The following SNX7 variants were observed in gnomAD, a reference collection of about 807,000 sequenced individuals.
The protein encoded by SNX7 is sorting nexin-7.
Under a neutral mutation model 48.4 loss-of-function variants are expected in SNX7, and 35 were observed. The ratio of observed to expected loss-of-function variants is 0.72; its 90% CI spans 0.55 to 0.96. The LOEUF (loss-of-function observed/expected upper bound fraction) is 0.96. SNX7 is among the 40% of genes least tolerant of loss of function. The probability of loss-of-function intolerance (pLI) is 0.00; values close to 1 mark genes in which losing one functional copy is unlikely to be tolerated. For missense variants in SNX7, 553 were observed against 548.9 expected, an observed-to-expected ratio of 1.01 and a Z score of -0.07; for synonymous variants, 190 against 190.2, an observed-to-expected ratio of 1.00 and a Z score of 0.01.
At chr1:98,690,992 ATTT>A (rs1570520578) in intron 2 of SNX7, 80 bp from the exon 3 acceptor site, 1 of 782,172 alleles carries the variant, frequency 1.3e-6, no homozygotes, top group East Asian at 3.0e-5. Context: ...AGACCCATTT[ATTT>A]CACAATGTCT....
intron 4 of SNX7, 29 bp from the exon 5 acceptor site, chr1:98,695,489 A>C (rs1303237680): frequency 6.3e-7 from 1 of 1,599,296 alleles, no homozygotes; most frequent in Non-Finnish European, 8.5e-7. Flanking sequence ...GACTTGTTTC[A>C]CTAGAAATAC....
intron 2 of SNX7, among the ~76,000 whole-genome samples, 192 bp from the exon 3 acceptor site, chr1:98,690,883 G>A (rs1404362819): frequency 6.6e-6 from 1 of 151,968 alleles, no homozygotes; most frequent in Non-Finnish European, 1.5e-5. Context: ...ATACCAGAAA[G>A]TTTGCTTTAT....
At chr1:98,760,024 A>G (rs748342130) in intron 8 of SNX7, 30 bp from the exon 9 acceptor site, 5 of 1,392,564 alleles carry the variant, frequency 3.6e-6, no homozygotes, top group Non-Finnish European at 5.1e-6. Context: ...ACTATTGTTG[A>G]TTGCCTCATG....
chr1:98,702,520 C>T (rs1286860047), intron 7 of SNX7, among the ~76,000 whole-genome samples: 1 of 151,966 alleles, frequency 6.6e-6, no homozygotes, highest in African/African-American at 2.4e-5. Flanking sequence ...TATTCTAAAG[C>T]AAATTCTAGA....
At chr1:98,758,138 G>T (rs1294272919) in intron 8 of SNX7, among the ~76,000 whole-genome samples, 1 of 152,000 alleles carries the variant, frequency 6.6e-6, no homozygotes, top group African/African-American at 2.4e-5. Flanking sequence ...TATTTGTTGA[G>T]TGAAGAGATT....
chr1:98,676,386 C>G (rs1200983990), intron 1 of SNX7, among the ~76,000 whole-genome samples: 3 of 152,034 alleles, frequency 2.0e-5, no homozygotes, highest in Non-Finnish European at 4.4e-5. Flanking sequence ...TTTTCTGTGT[C>G]TGATTAATCC....
At position 98,661,723 on chromosome 1, in the gene SNX7, A is replaced by T; in HGVS notation, c.-9A>T. On this transcript the variant is annotated 5_prime_UTR_variant, in exon 1 of 9. Coordinates refer to ENST00000306121, the MANE Select transcript of SNX7 (RefSeq NM_015976.5). ...GGCGGTGGCGGCCGGCTGGGCGCGC[A>T]CTCTCGGGATGGAGGGCGAGCGCCG... 8.2e-7 allele frequency: 1 copy of T among 1,219,552 alleles called. No individual in the cohort carries two copies. The highest frequency in any genetic ancestry group is 1.0e-6 in the Non-Finnish European group (1 of 977,560). The allele number at this position is 1,219,552 out of a possible 1,614,324, so 75.5% of individuals were successfully genotyped here. A position where few individuals can be genotyped will look rare whatever the true frequency, so the allele number is the denominator to read the frequency against.
chr1:98,662,662 AAGGGTTTT>A, intron 1 of SNX7: 1 of 1,288,194 alleles, frequency 7.8e-7, no homozygotes, highest in Non-Finnish European at 1.0e-6. Context: ...TAATTTCTTA[AAGGGTTTT>A]AGAAAAGAAA....
At chr1:98,757,998 G>A (rs1654935696) in intron 8 of SNX7, among the ~76,000 whole-genome samples, 1 of 152,008 alleles carries the variant, frequency 6.6e-6, no homozygotes, top group Non-Finnish European at 1.5e-5. Context: ...ATCATGTCCT[G>A]TAACATCACA....
chr1:98,726,448 C>T (rs1435184032), intron 7 of SNX7, among the ~76,000 whole-genome samples: 3 of 152,182 alleles, frequency 2.0e-5, no homozygotes, highest in Non-Finnish European at 4.4e-5. Context: ...GTTGCATCCT[C>T]TTCATAACAG....
intron 7 of SNX7, among the ~76,000 whole-genome samples, chr1:98,724,700 G>T (rs1653075051): frequency 6.6e-6 from 1 of 151,928 alleles, no homozygotes; most frequent in Non-Finnish European, 1.5e-5. Context: ...GTCAACATGG[G>T]TGGCTCTTTC....
At chr1:98,746,325 A>G (rs113758716) in intron 8 of SNX7, among the ~76,000 whole-genome samples, 26 of 152,162 alleles carry the variant, frequency 1.7e-4, no homozygotes, top group African/African-American at 5.8e-4. Context: ...TGATCCTACA[A>G]TCCTTTACTT....
intron 8 of SNX7, among the ~76,000 whole-genome samples, chr1:98,740,656 C>G (rs1654027378): frequency 6.6e-6 from 1 of 151,882 alleles, no homozygotes; most frequent in Non-Finnish European, 1.5e-5. Flanking sequence ...TTTTTTCAGT[C>G]TCATTGATTG....
At chr1:98,701,175 GC>G (rs1490258397) in intron 6 of SNX7, among the ~76,000 whole-genome samples, 10 of 152,218 alleles carry the variant, frequency 6.6e-5, no homozygotes, top group African/African-American at 2.2e-4. Context: ...TCACATGGGT[GC>G]TTTAAGTTTA....
At chr1:98,703,482 G>A (rs1295024867) in intron 7 of SNX7, among the ~76,000 whole-genome samples, 1 of 152,038 alleles carries the variant, frequency 6.6e-6, no homozygotes, top group Non-Finnish European at 1.5e-5. Flanking sequence ...GTGGTGGGCT[G>A]CTGTAGACAG....
chr1:98,670,998 C>T (rs896307817), intron 1 of SNX7, among the ~76,000 whole-genome samples: 1 of 152,176 alleles, frequency 6.6e-6, no homozygotes, highest in South Asian at 2.1e-4. Flanking sequence ...AAAAAGAATA[C>T]TTTATTTCCG....
chr1:98,710,753 C>G (rs534475586), intron 7 of SNX7, among the ~76,000 whole-genome samples: 1 of 152,284 alleles, frequency 6.6e-6, no homozygotes, highest in South Asian at 2.1e-4. Flanking sequence ...ATAAATATTT[C>G]ATAATGCTTA....
At chr1:98,740,864 A>T (rs1298232047) in intron 8 of SNX7, among the ~76,000 whole-genome samples, 2 of 152,156 alleles carry the variant, frequency 1.3e-5, no homozygotes, top group Non-Finnish European at 2.9e-5. Context: ...TGGAGGGATC[A>T]TTGTTTCTCT....
In SNX7 at chr1:98,698,736, C is replaced by T. The variant is rs1230362199; in HGVS notation, c.869C>T (p.Pro290Leu). The T allele has an allele frequency of 1.9e-6, 3 of 1,611,822 alleles. No homozygotes were observed. Among genetic ancestry groups the T allele is most frequent in the Non-Finnish European group, 2.5e-6 (3 of 1,179,038 alleles). The change falls in exon 6 of 9, where the codon CCA (proline) becomes CTA (leucine). Residue 290 changes from proline (P) to leucine (L), a missense_variant. Coordinates refer to ENST00000306121, the MANE Select transcript of SNX7 (RefSeq NM_015976.5). The stretch of plus-strand genomic sequence containing the variant: ...TTTGATGAAATGAAAGAATATGGCC[C>T]AATTCATATTCTGTGGTCAGCGTCA... ...EYFDEMKEYG[P>L]IHILWSASEE...
Sources: gnomAD v4.1 joint callset for allele counts (sites outside exome capture counted in the v4.1 genomes callset) on GRCh38, gnomAD v4.1.1 for gene constraint, MANE v1.5 for transcripts, NCBI Gene and HGNC (gene_info 2026-07-23, HGNC 2026-07-21) for gene names.